CRTAC1: variants seen among roughly 807,000 people sequenced by gnomAD.
The protein encoded by CRTAC1 is acidic secreted protein in cartilage.
In CRTAC1, 37 loss-of-function variants were observed where a neutral mutation model predicts 67.8. That is an observed-to-expected ratio of 0.55 (90% confidence interval 0.42 to 0.72). CRTAC1 has a LOEUF of 0.72. Ranked by LOEUF, CRTAC1 falls within the 30% of genes least tolerant of loss-of-function variation. The pLI is 0.00. For synonymous variants in CRTAC1, 348 were observed against 371.0 expected, an observed-to-expected ratio of 0.94 and a Z score of 0.71; for missense variants, 780 against 931.6, an observed-to-expected ratio of 0.84 and a Z score of 2.12.
rs2050006911 is a variant in CRTAC1 at position 97,865,342 on chromosome 10, C to T, written c.*206G>A. 2 of 522,498 alleles carry T rather than the reference C, an allele frequency of 3.8e-6. No homozygotes were observed. The highest frequency in any genetic ancestry group is 3.6e-5 in the Admixed American group (1 of 27,624). The allele number at this position is 522,498 out of a possible 1,614,324, so 32.4% of individuals were successfully genotyped here. The stretch of plus-strand genomic sequence containing the variant: ...ATGTAAGCGCCATCAGGGCAGCGAC[C>T]CTGTCTGCTGTGATCACAGCTATGT... On this transcript the variant is annotated 3_prime_UTR_variant, in exon 15 of 15. Coordinates refer to ENST00000370597, the MANE Select transcript of CRTAC1 (RefSeq NM_018058.7).
At chr10:98,010,960 C>T (rs1426986237) in intron 2 of CRTAC1, among the ~76,000 whole-genome samples, 178 bp downstream of exon 2, 4 of 152,210 alleles carry the variant, frequency 2.6e-5, no homozygotes, top group African/African-American at 4.8e-5. Flanking sequence ...AAGACAAGGT[C>T]ACAGCACCCC....
At chr10:97,943,537 C>CA (rs925701978) in intron 2 of CRTAC1, among the ~76,000 whole-genome samples, 3 of 152,234 alleles carry the variant, frequency 2.0e-5, no homozygotes, top group Non-Finnish European at 4.4e-5. Flanking sequence ...TATGGGCACA[C>CA]AGGAGTATTT....
intron 2 of CRTAC1, among the ~76,000 whole-genome samples, chr10:97,979,488 T>C (rs1039615805): frequency 1.3e-5 from 2 of 152,238 alleles, no homozygotes; most frequent in Non-Finnish European, 2.9e-5. Flanking sequence ...CAAGGACTGA[T>C]GTCACATGCT....
rs181853252 is a variant in CRTAC1, at chr10:97,989,284, G to A, written c.224+21854C>T. ...CTCTCTCTCTCTCCCCCCACCCAAC[G>A]CACACACAGAGTCATATGTAAACAA... On this transcript the variant is annotated intron_variant, in intron 2 of 14. Coordinates refer to ENST00000370597, the MANE Select transcript of CRTAC1 (RefSeq NM_018058.7). 9.9e-5 allele frequency among the ~76,000 whole-genome samples: 15 copies of A among 152,062 alleles called. No individual in the cohort carries two copies. The East Asian group carries it at 2.7e-3, about 27-fold the overall frequency.
At chr10:97,935,184 C>T (rs2051067600) in intron 3 of CRTAC1, among the ~76,000 whole-genome samples, 1 of 152,142 alleles carries the variant, frequency 6.6e-6, no homozygotes, top group Non-Finnish European at 1.5e-5. Context: ...AGCTGCATGG[C>T]CTTGGGCAAG....
At chr10:97,884,971 T>G (rs185049012) in intron 11 of CRTAC1, among the ~76,000 whole-genome samples, 62 of 152,390 alleles carry the variant, frequency 4.1e-4, no homozygotes, top group Non-Finnish European at 7.1e-4. Context: ...TTCTATTTAT[T>G]GAGCTCTGCT....
chr10:97,910,773 T>C (rs533177396), intron 5 of CRTAC1, among the ~76,000 whole-genome samples: 1 of 152,284 alleles, frequency 6.6e-6, no homozygotes, highest in South Asian at 2.1e-4. Context: ...GAGCTGGCAT[T>C]TGAGGCCAGG....
chr10:98,008,407 G>A (rs1842837262), intron 2 of CRTAC1, among the ~76,000 whole-genome samples: 1 of 128,276 alleles, frequency 7.8e-6, no homozygotes, highest in Non-Finnish European at 1.6e-5. Context: ...TGGGAAAAGA[G>A]TACAAAAGAG....
chr10:97,917,337 C>A (rs746553), intron 5 of CRTAC1, among the ~76,000 whole-genome samples, 163 bp downstream of exon 5: 117,201 of 152,134 alleles, frequency 0.77, 45,466 homozygotes, highest in East Asian at 0.92. Context: ...TGGGAGAAGC[C>A]TTCTGTGGGT....
At chr10:97,985,768 C>T (rs1025690318) in intron 2 of CRTAC1, among the ~76,000 whole-genome samples, 2 of 152,198 alleles carry the variant, frequency 1.3e-5, no homozygotes, top group South Asian at 4.1e-4. Flanking sequence ...GGGAAAACCA[C>T]GTGCATGCAT....
intron 2 of CRTAC1, among the ~76,000 whole-genome samples, chr10:97,995,980 G>A (rs973701487): frequency 2.6e-5 from 4 of 152,138 alleles, no homozygotes; most frequent in African/African-American, 9.7e-5. Flanking sequence ...CTAACATGGT[G>A]AAACCCCGTC....
At chr10:97,930,093 C>T (rs1011418320) in intron 3 of CRTAC1, among the ~76,000 whole-genome samples, 1 of 152,218 alleles carries the variant, frequency 6.6e-6, no homozygotes, top group Non-Finnish European at 1.5e-5. Context: ...CTCTCTGTAG[C>T]AGTGCCAGGA....
chr10:97,894,990 A>G (rs2050435603), intron 11 of CRTAC1, among the ~76,000 whole-genome samples: 2 of 151,758 alleles, frequency 1.3e-5, no homozygotes, highest in Non-Finnish European at 2.9e-5. Context: ...TCTGACCCCA[A>G]GGTGAACTAA....
At chr10:97,901,394 C>G (rs2050538119) in intron 8 of CRTAC1, 109 bp downstream of exon 8, 2 of 1,356,650 alleles carry the variant, frequency 1.5e-6, no homozygotes, top group African/African-American at 2.9e-5. Context: ...CTTGGCCTGA[C>G]CCCCTGGCCC....
At chr10:97,986,664 T>C (rs921384814) in intron 2 of CRTAC1, among the ~76,000 whole-genome samples, 1 of 152,242 alleles carries the variant, frequency 6.6e-6, no homozygotes, top group African/African-American at 2.4e-5. Context: ...TTTAGCGTTA[T>C]GAAAATATTA....
chr10:98,005,305 A>C (rs994396281), intron 2 of CRTAC1, among the ~76,000 whole-genome samples: 1 of 150,544 alleles, frequency 6.6e-6, no homozygotes, highest in African/African-American at 2.4e-5. Flanking sequence ...GGGTTTTATC[A>C]TGTTGGCCAG....
intron 2 of CRTAC1, among the ~76,000 whole-genome samples, chr10:98,002,606 A>G (rs1433796803): frequency 6.6e-6 from 1 of 151,788 alleles, no homozygotes; most frequent in African/African-American, 2.4e-5. Flanking sequence ...TGTTTGTCCC[A>G]CCAAAGACAG....
intron 3 of CRTAC1, among the ~76,000 whole-genome samples, chr10:97,928,576 C>T (rs74406337): frequency 6.6e-6 from 1 of 152,202 alleles, no homozygotes; most frequent in African/African-American, 2.4e-5. Context: ...AAGAAGGGGA[C>T]TTGCCTAAGA....
intron 11 of CRTAC1, among the ~76,000 whole-genome samples, chr10:97,891,380 G>A (rs914349170): frequency 1.3e-5 from 2 of 152,186 alleles, no homozygotes; most frequent in Admixed American, 6.5e-5. Context: ...CTCCTAGAAT[G>A]GTCTCCTTAG....
Sources: gnomAD v4.1 joint callset for allele counts (sites outside exome capture counted in the v4.1 genomes callset) on GRCh38, gnomAD v4.1.1 for gene constraint, MANE v1.5 for transcripts, NCBI Gene and HGNC (gene_info 2026-07-23, HGNC 2026-07-21) for gene names.